The following SLC16A12 variants were observed in gnomAD, a reference collection of about 807,000 sequenced individuals.
The protein encoded by SLC16A12 is monocarboxylate transporter 12.
In SLC16A12, 17 loss-of-function variants were observed where a neutral mutation model predicts 42.4. The ratio of observed to expected loss-of-function variants is 0.40; its 90% CI spans 0.27 to 0.60. The LOEUF (loss-of-function observed/expected upper bound fraction) is 0.60, where lower values mean the gene tolerates loss of function less well. Among genes scored for constraint, SLC16A12 ranks in the 20% least tolerant of loss-of-function variants. The pLI is 0.42. For synonymous variants in SLC16A12, 224 were observed against 229.4 expected, an observed-to-expected ratio of 0.98 and a Z score of 0.21; for missense variants, 544 against 623.0, an observed-to-expected ratio of 0.87 and a Z score of 1.35.
rs1841793474 is a variant in SLC16A12 at position 89,436,804 on chromosome 10, G to GAAGGAAGGAAGGAAGGAAGGA, written c.1029-486_1029-485insTCCTTCCTTCCTTCCTTCCTT. On this transcript the variant is annotated intron_variant, in intron 6 of 7. Coordinates refer to ENST00000371790, the MANE Select transcript of SLC16A12 (RefSeq NM_213606.4). ...AAAAAAGAAAGAAAGGAAAGGAAAG[G>GAAGGAAGGAAGGAAGGAAGGA]AGGAAGGAAGGAAGGAAGGAAGGAA... Among the ~76,000 whole-genome samples, 3 of 131,376 alleles carry GAAGGAAGGAAGGAAGGAAGGA rather than the reference G, an allele frequency of 2.3e-5. No individual in the cohort carries two copies. In the East Asian group the frequency reaches 6.2e-4, roughly 27 times the overall value. The allele number at this position is 131,376 out of a possible 152,430, so 86.2% of individuals were successfully genotyped here.
intron 6 of SLC16A12, among the ~76,000 whole-genome samples, chr10:89,436,804 G>GAGGA (rs72103752): frequency 0.011 from 1,394 of 131,438 alleles, 28 homozygotes; most frequent in East Asian, 0.073. Flanking sequence ...GAAAGGAAAG[G>GAGGA]AGGAAGGAAG....
At chr10:89,456,485 G>A (rs1002880830) in intron 3 of SLC16A12, among the ~76,000 whole-genome samples, 2 of 151,950 alleles carry the variant, frequency 1.3e-5, no homozygotes, top group African/African-American at 4.8e-5. Context: ...TTTATGAACA[G>A]AATAGCCTGC....
chr10:89,487,076 T>C (rs1236633997), intron 2 of SLC16A12, among the ~76,000 whole-genome samples: 3 of 152,226 alleles, frequency 2.0e-5, no homozygotes, highest in Admixed American at 2.0e-4. Flanking sequence ...ATCCCTTCTA[T>C]GGCTGACTGA....
Position 89,481,409 on chromosome 10 carries a change from C to CTA in SLC16A12, c.-46-18787_-46-18786dup, listed in dbSNP as rs557826807. 1.7e-3 allele frequency among the ~76,000 whole-genome samples: 261 copies of CTA among 151,906 alleles called. 2 individuals carry two copies. Among genetic ancestry groups the CTA allele is most frequent in the African/African-American group, 5.9e-3 (244 of 41,426 alleles). ...TATACTTGGCGTAGTTGACATTTGTCTATATATATATGTTTAGGTTTGCTC... is the reference window on the plus strand; with the variant it reads ...TATACTTGGCGTAGTTGACATTTGTCTATATATATATATGTTTAGGTTTGCTC... On this transcript the variant is annotated intron_variant, in intron 2 of 7. Coordinates refer to ENST00000371790, the MANE Select transcript of SLC16A12 (RefSeq NM_213606.4).
rs1233319411 is a variant in SLC16A12, at chr10:89,430,773, T to A, written c.*2291A>T. 8.8e-6 allele frequency: 4 copies of A among 454,772 alleles called. No homozygotes were observed. The highest frequency in any genetic ancestry group is 1.8e-5 in the Non-Finnish European group (4 of 222,920). The allele number at this position is 454,772 out of a possible 1,614,324, so 28.2% of individuals were successfully genotyped here. ...AAATCTTTAAAATTTCTGATCACTA[T>A]GCTTATTTTTCATAAATACTTGTAA... On this transcript the variant is annotated 3_prime_UTR_variant, in exon 8 of 8. Transcript: ENST00000371790.
At chr10:89,497,550 T>A (rs1000940850) in intron 2 of SLC16A12, among the ~76,000 whole-genome samples, 6 of 152,024 alleles carry the variant, frequency 3.9e-5, no homozygotes, top group African/African-American at 4.8e-5. Context: ...CTACATGGTG[T>A]GGGGGAAACA....
intron 2 of SLC16A12, among the ~76,000 whole-genome samples, chr10:89,530,458 C>CA (rs1843527935): frequency 6.6e-6 from 1 of 151,000 alleles, no homozygotes; most frequent in South Asian, 2.1e-4. Context: ...CGCTCTGTTG[C>CA]CCAGGCTGGA....
At chr10:89,494,532 T>C (rs1464637496) in intron 2 of SLC16A12, among the ~76,000 whole-genome samples, 1 of 152,106 alleles carries the variant, frequency 6.6e-6, no homozygotes, top group Non-Finnish European at 1.5e-5. Flanking sequence ...TTATCTCTCC[T>C]CCTAAAACAT....
upstream of SLC16A12, among the ~76,000 whole-genome samples, chr10:89,539,855 A>ATTTTTCTTTCTTTCTTTCTTTC (rs1843700593): frequency 1.2e-5 from 1 of 81,316 alleles, no homozygotes; most frequent in African/African-American, 4.3e-5. Flanking sequence ...CAAGAAACAA[A>ATTTTTCTTTCTTTCTTTCTTTC]TTTTTCTTTC....
In SLC16A12 at chr10:89,436,124, T is replaced by C. The variant is rs1841782107; in HGVS notation, c.1224A>G (p.Ser408=). ...TTEIVGTTSL[S]SALGVVYFLH... is the part of the protein sequence containing the mutation. ...GGAAGTATACCACACCAAGCGCTGA[T>C]GACAAAGAGGTGGTCCCCACTATCT... The change falls in exon 7 of 8, where the codon TCA becomes TCG. Residue 408 remains serine (S), a synonymous_variant. Transcript: ENST00000371790. 1.2e-6 allele frequency: 2 copies of C among 1,613,940 alleles called. No individual in the cohort carries two copies. The highest frequency in any genetic ancestry group is 4.5e-5 in the East Asian group (2 of 44,870).
intron 3 of SLC16A12, among the ~76,000 whole-genome samples, chr10:89,461,388 C>T (rs1448105729): frequency 1.3e-5 from 2 of 152,062 alleles, no homozygotes; most frequent in African/African-American, 4.8e-5. Flanking sequence ...CTTAATGAGC[C>T]CTAGGGAGCC....
chr10:89,480,991 T>A (rs75367884), intron 2 of SLC16A12, among the ~76,000 whole-genome samples: 4,374 of 152,250 alleles, frequency 0.029, 258 homozygotes, highest in East Asian at 0.25. Context: ...CTTTCCTTTT[T>A]AATGATTTTT....
At chr10:89,505,997 G>T (rs1306462078) in intron 2 of SLC16A12, among the ~76,000 whole-genome samples, 5 of 152,182 alleles carry the variant, frequency 3.3e-5, no homozygotes, top group Non-Finnish European at 7.3e-5. Context: ...GCCCACCACA[G>T]CTCAGCAAGG....
In SLC16A12 at chr10:89,494,250, T is replaced by C. The variant is rs377588962; in HGVS notation, c.-46-31626A>G. 9.8e-5 allele frequency among the ~76,000 whole-genome samples: 15 copies of C among 152,344 alleles called. No homozygotes were observed. The East Asian group carries it at 2.3e-3, about 23-fold the overall frequency. On this transcript the variant is annotated intron_variant, in intron 2 of 7. Coordinates refer to ENST00000371790, the MANE Select transcript of SLC16A12 (RefSeq NM_213606.4). The stretch of plus-strand genomic sequence containing the variant: ...AAAACGTGCTTTATTTCATACACAC[T>C]GTTGACAGCAGTATTAACCGGTTCA...
intron 2 of SLC16A12, among the ~76,000 whole-genome samples, chr10:89,525,220 C>CAAAAAAAAAAAAAAAAAA (rs869295721): frequency 3.1e-5 from 2 of 64,644 alleles, no homozygotes; most frequent in African/African-American, 5.4e-5. Flanking sequence ...GACACCATAT[C>CAAAAAAAAAAAAAAAAAA]AAAAAAAAAA....
At chr10:89,451,703 A>G (rs565745286) in intron 3 of SLC16A12, among the ~76,000 whole-genome samples, 1 of 152,186 alleles carries the variant, frequency 6.6e-6, no homozygotes, top group African/African-American at 2.4e-5. Flanking sequence ...TAATAATTTT[A>G]TGTTTGAATT....
intron 2 of SLC16A12, 168 bp from the exon 3 acceptor site, chr10:89,462,792 T>C: frequency 2.8e-6 from 2 of 712,856 alleles, no homozygotes; most frequent in Non-Finnish European, 4.2e-6. Flanking sequence ...ATGCTTTCTT[T>C]TTTAAAAATA....
chr10:89,500,896 A>G (rs1300725269), intron 2 of SLC16A12, among the ~76,000 whole-genome samples: 1 of 152,180 alleles, frequency 6.6e-6, no homozygotes, highest in Non-Finnish European at 1.5e-5. Context: ...GAAAACCCTA[A>G]AGACTCCTTC....
intron 2 of SLC16A12, among the ~76,000 whole-genome samples, chr10:89,532,949 C>G (rs1843579685): frequency 6.6e-6 from 1 of 152,188 alleles, no homozygotes; most frequent in Non-Finnish European, 1.5e-5. Flanking sequence ...CATGGTACCA[C>G]TAACACTCTT....
Sources: allele counts gnomAD v4.1 joint callset (sites outside exome capture counted in the v4.1 genomes callset), GRCh38; gene constraint gnomAD v4.1.1; transcripts MANE v1.5; gene names NCBI Gene and HGNC (gene_info 2026-07-23, HGNC 2026-07-21).